The following NRXN3 variants were observed in gnomAD, a reference collection of about 807,000 sequenced individuals.
The protein encoded by NRXN3 is neurexin 3, also known as neurexin III.
Under a neutral mutation model 137.6 loss-of-function variants are expected in NRXN3, and 32 were observed. The ratio of observed to expected loss-of-function variants is 0.23; its 90% confidence interval spans 0.18 to 0.31. NRXN3 has a LOEUF of 0.31. Ranked by LOEUF, NRXN3 falls within the 10% of genes least tolerant of loss-of-function variation. The pLI is 1.00. For synonymous variants in NRXN3, 798 were observed against 784.5 expected (o/e 1.02, Z -0.29); for missense variants, 1,574 against 2,062.5 (o/e 0.76, Z 4.59).
At chr14:79,412,183 C>A (rs1324301821) in intron 15 of NRXN3, among the ~76,000 whole-genome samples, 1 of 152,102 alleles carries the variant, frequency 6.6e-6, no homozygotes, top group Non-Finnish European at 1.5e-5. Flanking sequence ...CTGACATTTG[C>A]TTGCTCCTTG....
chr14:79,342,286 G>A (rs1291188099), intron 15 of NRXN3, among the ~76,000 whole-genome samples: 1 of 152,188 alleles, frequency 6.6e-6, no homozygotes, highest in Non-Finnish European at 1.5e-5. Context: ...TAGTCTCTAA[G>A]ATGCAGACAG....
intron 6 of NRXN3, among the ~76,000 whole-genome samples, chr14:78,685,197 C>T (rs1401121329): frequency 1.3e-5 from 2 of 152,200 alleles, no homozygotes; most frequent in African/African-American, 4.8e-5. Context: ...TTTCTCATTG[C>T]ATTGGTGCAA....
intron 4 of NRXN3, among the ~76,000 whole-genome samples, chr14:78,443,128 T>C (rs995701220): frequency 2.0e-5 from 3 of 152,216 alleles, no homozygotes; most frequent in Non-Finnish European, 4.4e-5. Flanking sequence ...GTCAAATCTG[T>C]TTTTAAAATT....
chr14:78,179,842 G>GTTTTTTTTTT (rs796341902), intron 1 of NRXN3, among the ~76,000 whole-genome samples: 52 of 109,144 alleles, frequency 4.8e-4, no homozygotes, highest in African/African-American at 9.7e-4. Flanking sequence ...CTGTTTTTTT[G>GTTTTTTTTTT]TTTTTTTTTT....
At chr14:78,701,257 T>C (rs1037798901) in intron 6 of NRXN3, among the ~76,000 whole-genome samples, 1 of 152,212 alleles carries the variant, frequency 6.6e-6, no homozygotes, top group Non-Finnish European at 1.5e-5. Flanking sequence ...ACTGTTCACA[T>C]CTGTAACTGG....
intron 4 of NRXN3, among the ~76,000 whole-genome samples, chr14:78,405,501 C>G (rs1311399042): frequency 6.6e-6 from 1 of 151,570 alleles, no homozygotes; most frequent in Non-Finnish European, 1.5e-5. Flanking sequence ...ACTATTATCA[C>G]TGATCATTCC....
chr14:78,633,251 C>CAAAAAAAAAAAAAAAAA lies in NRXN3; in HGVS notation c.758-11868_758-11852dup, dbSNP rs779442429. ...CCTGGGCTACAGAGCGAGACTCTGT[C>CAAAAAAAAAAAAAAAAA]AAAAAAAAAAAAAAAAAGAGACTGG... On this transcript the variant is annotated intron_variant, in intron 4 of 20. Transcript: ENST00000335750. 1.7e-3 allele frequency among the ~76,000 whole-genome samples: 114 copies of CAAAAAAAAAAAAAAAAA among 68,018 alleles called. 6 individuals are homozygous for CAAAAAAAAAAAAAAAAA. Among genetic ancestry groups the CAAAAAAAAAAAAAAAAA allele is most frequent in the African/African-American group, 7.2e-3 (101 of 14,028 alleles). The allele number at this position is 68,018 out of a possible 152,430, so 44.6% of individuals were successfully genotyped here. A position where few individuals can be genotyped will look rare whatever the true frequency, so the allele number is the denominator to read the frequency against.
intron 15 of NRXN3, among the ~76,000 whole-genome samples, chr14:79,422,205 C>T (rs1170768267): frequency 2.8e-5 from 4 of 142,736 alleles, no homozygotes; most frequent in African/African-American, 8.1e-5. Flanking sequence ...ACCACAGATA[C>T]ATGCCACCAC....
At chr14:78,263,892 TGTG>T (rs2071228996) in intron 2 of NRXN3, among the ~76,000 whole-genome samples, 1 of 146,612 alleles carries the variant, frequency 6.8e-6, no homozygotes, top group Non-Finnish European at 1.5e-5. Context: ...TGTGTGTGTG[TGTG>T]TGTGTGTGTG....
At chr14:79,392,333 T>A (rs1336982536) in intron 15 of NRXN3, among the ~76,000 whole-genome samples, 1 of 152,232 alleles carries the variant, frequency 6.6e-6, no homozygotes, top group Non-Finnish European at 1.5e-5. Flanking sequence ...CTCATCCTTT[T>A]TTATGGCTGC....
At chr14:79,820,647 C>T (rs550174084) in intron 20 of NRXN3, among the ~76,000 whole-genome samples, 1 of 152,202 alleles carries the variant, frequency 6.6e-6, no homozygotes, top group South Asian at 2.1e-4. Flanking sequence ...ATCTTTTCTG[C>T]TCCCTCCATC....
At chr14:78,301,571 T>C (rs1423368146) in intron 4 of NRXN3, among the ~76,000 whole-genome samples, 1 of 151,540 alleles carries the variant, frequency 6.6e-6, no homozygotes, top group African/African-American at 2.5e-5. Context: ...TATAAATATG[T>C]ATCTACATCT....
intron 19 of NRXN3, among the ~76,000 whole-genome samples, chr14:79,769,410 C>G (rs898686883): frequency 6.6e-6 from 1 of 152,096 alleles, no homozygotes; most frequent in Admixed American, 6.5e-5. Context: ...GCCCATCAGA[C>G]TAACAGCAGA....
At chr14:78,353,466 T>C (rs2083843989) in intron 4 of NRXN3, among the ~76,000 whole-genome samples, 1 of 152,094 alleles carries the variant, frequency 6.6e-6, no homozygotes, top group Non-Finnish European at 1.5e-5. Flanking sequence ...GCAAGGCAGC[T>C]CTCCGGGGAC....
chr14:78,343,970 G>A (rs371076252), intron 4 of NRXN3, among the ~76,000 whole-genome samples: 4 of 152,188 alleles, frequency 2.6e-5, no homozygotes, highest in African/African-American at 9.6e-5. Flanking sequence ...AGAATCATCT[G>A]AGGAACCCTA....
At chr14:79,525,923 T>C (rs190667728) in intron 16 of NRXN3, among the ~76,000 whole-genome samples, 2 of 152,250 alleles carry the variant, frequency 1.3e-5, no homozygotes, top group Admixed American at 6.5e-5. Flanking sequence ...ACTCTGTTGC[T>C]CAGGCTGGAG....
chr14:79,805,946 A>G (rs2099203191), intron 20 of NRXN3, among the ~76,000 whole-genome samples: 1 of 152,150 alleles, frequency 6.6e-6, no homozygotes, highest in Non-Finnish European at 1.5e-5. Context: ...CTTTCTTTAT[A>G]GTGAGCTACA....
At chr14:78,524,380 A>G (rs2096342718) in intron 4 of NRXN3, among the ~76,000 whole-genome samples, 1 of 152,252 alleles carries the variant, frequency 6.6e-6, no homozygotes, top group Admixed American at 6.5e-5. Flanking sequence ...GTGTATGTCT[A>G]TTAACACAAT....
At chr14:78,960,762 A>G (rs2152978304) in intron 11 of NRXN3, among the ~76,000 whole-genome samples, 1 of 152,262 alleles carries the variant, frequency 6.6e-6, no homozygotes, top group East Asian at 1.9e-4. Flanking sequence ...ATTTGACTAC[A>G]CTGGTTCTTG....
Sources: gnomAD v4.1 joint callset for allele counts (sites outside exome capture counted in the v4.1 genomes callset) on GRCh38, gnomAD v4.1.1 for gene constraint, MANE v1.5 for transcripts, NCBI Gene and HGNC (gene_info 2026-07-23, HGNC 2026-07-21) for gene names.